TTC39B: variants seen among roughly 807,000 people sequenced by gnomAD.
The protein encoded by TTC39B is tetratricopeptide repeat domain 39B.
Under a neutral mutation model 96.6 loss-of-function variants are expected in TTC39B, and 92 were observed. The observed-to-expected ratio is 0.95, with a 90% confidence interval of 0.80 to 1.13. The LOEUF (loss-of-function observed/expected upper bound fraction) is 1.13. Among genes scored for constraint, TTC39B ranks in the 50% most tolerant of loss-of-function variants. The pLI, the probability that TTC39B is intolerant of heterozygous loss-of-function variation, is 0.00. For missense variants in TTC39B, 955 were observed against 809.3 expected, an observed-to-expected ratio of 1.18 and a Z score of -2.18; for synonymous variants, 367 against 299.4, an observed-to-expected ratio of 1.23 and a Z score of -2.33.
intron 2 of TTC39B, among the ~76,000 whole-genome samples, chr9:15,238,702 T>C (rs540076100): frequency 1.3e-5 from 2 of 152,234 alleles, no homozygotes; most frequent in Admixed American, 6.5e-5. Flanking sequence ...AATGACCATA[T>C]TGGCTGGGTG....
exon 20 of TTC39B, chr9:15,164,243 A>G (rs1315852710): frequency 6.6e-6 from 1 of 152,240 alleles, no homozygotes; most frequent in Non-Finnish European, 1.5e-5. Context: ...TGTAATGAGA[A>G]GAGAAAAAGA....
intron 2 of TTC39B, among the ~76,000 whole-genome samples, chr9:15,247,926 A>G (rs913548543): frequency 2.6e-5 from 4 of 152,168 alleles, no homozygotes; most frequent in African/African-American, 9.7e-5. Context: ...CAAGGAGCAC[A>G]GAGTTGCCAA....
intron 3 of TTC39B, among the ~76,000 whole-genome samples, chr9:15,218,430 A>C (rs1349815064): frequency 1.3e-5 from 2 of 151,950 alleles, no homozygotes; most frequent in African/African-American, 4.8e-5. Flanking sequence ...TGTTTTGTGA[A>C]CTTTCAAGCC....
chr9:15,211,346 C>T, exon 5 of TTC39B: 1 of 1,598,406 alleles, frequency 6.3e-7, no homozygotes, highest in East Asian at 2.3e-5. Context: ...GGACAGCCTG[C>T]AACACCACAA....
At chr9:15,273,471 TTCCTCCCTCCTCCTCC>T (rs1823428632) in intron 1 of TTC39B, among the ~76,000 whole-genome samples, 1 of 151,972 alleles carries the variant, frequency 6.6e-6, no homozygotes, top group African/African-American at 2.4e-5. Context: ...CTCCTCCACA[TTCCTCCCTCCTCCTCC>T]GCGTTCCTCC....
chr9:15,297,027 C>G (rs2131613323), intron 1 of TTC39B, among the ~76,000 whole-genome samples: 1 of 151,840 alleles, frequency 6.6e-6, no homozygotes, highest in South Asian at 2.1e-4. Flanking sequence ...AAAAGCCAAA[C>G]TCGGTAGCTA....
chr9:15,183,750 C>G (rs897491188), intron 16 of TTC39B, among the ~76,000 whole-genome samples: 3 of 152,214 alleles, frequency 2.0e-5, no homozygotes, highest in African/African-American at 7.2e-5. Flanking sequence ...ATTGGTTAAG[C>G]AACAGAAGGC....
chr9:15,239,823 G>C (rs72700645), intron 2 of TTC39B, among the ~76,000 whole-genome samples: 2 of 152,122 alleles, frequency 1.3e-5, no homozygotes, highest in Non-Finnish European at 1.5e-5. Flanking sequence ...CAATATTTGC[G>C]TGATGAGTAC....
exon 20 of TTC39B, chr9:15,166,277 G>T (rs1412357774): frequency 1.3e-5 from 2 of 152,190 alleles, no homozygotes; most frequent in Non-Finnish European, 2.9e-5. Context: ...TGAGCCAGCT[G>T]CTTTGATTTT....
At chr9:15,221,762 T>C (rs1820855553) in intron 3 of TTC39B, among the ~76,000 whole-genome samples, 1 of 152,206 alleles carries the variant, frequency 6.6e-6, no homozygotes, top group South Asian at 2.1e-4. Flanking sequence ...GCACTTAGTC[T>C]ACATAACCAA....
chr9:15,263,944 A>G (rs1461048552), intron 2 of TTC39B, among the ~76,000 whole-genome samples: 2 of 152,250 alleles, frequency 1.3e-5, no homozygotes, highest in African/African-American at 2.4e-5. Context: ...AGCAAGATAC[A>G]TTCTAAAATG....
chr9:15,198,350 G>A (rs1413727460), intron 8 of TTC39B, among the ~76,000 whole-genome samples: 6 of 151,606 alleles, frequency 4.0e-5, no homozygotes, highest in East Asian at 1.9e-4. Context: ...CTAGCTGCTC[G>A]GGAGGCTGAG....
At chr9:15,282,714 G>T (rs1003020522) in intron 1 of TTC39B, among the ~76,000 whole-genome samples, 1 of 152,056 alleles carries the variant, frequency 6.6e-6, no homozygotes, top group African/African-American at 2.4e-5. Flanking sequence ...CTCGGTAGTG[G>T]CTTCATACTC....
At chr9:15,174,041 T>C (rs1234207945) in intron 19 of TTC39B, among the ~76,000 whole-genome samples, 1 of 152,182 alleles carries the variant, frequency 6.6e-6, no homozygotes, top group Non-Finnish European at 1.5e-5. Context: ...ATCTCAAGAT[T>C]GGCTTTAATT....
chr9:15,299,319 C>T (rs886387943), intron 1 of TTC39B, among the ~76,000 whole-genome samples: 1 of 152,184 alleles, frequency 6.6e-6, no homozygotes, highest in Non-Finnish European at 1.5e-5. Context: ...GACACATCCA[C>T]AGATCACAAC....
chr9:15,190,807 C>G, intron 10 of TTC39B, 145 bp from the exon 11 acceptor site: 1 of 686,252 alleles, frequency 1.5e-6, no homozygotes, highest in South Asian at 1.9e-5. Flanking sequence ...TTTTAGTGTC[C>G]CTATCACCGC....
At chr9:15,223,230 G>A (rs1353006276) in intron 3 of TTC39B, among the ~76,000 whole-genome samples, 1 of 152,180 alleles carries the variant, frequency 6.6e-6, no homozygotes, top group Non-Finnish European at 1.5e-5. Context: ...TTTCAAGGTT[G>A]GAGGGAGAAT....
intron 2 of TTC39B, among the ~76,000 whole-genome samples, chr9:15,235,500 G>C (rs531704477): frequency 3.9e-5 from 6 of 152,178 alleles, no homozygotes; most frequent in African/African-American, 1.2e-4. Context: ...ACTTCACCAA[G>C]GCATATAGTC....
At chr9:15,298,227 C>T (rs1824451562) in intron 1 of TTC39B, among the ~76,000 whole-genome samples, 1 of 152,188 alleles carries the variant, frequency 6.6e-6, no homozygotes, top group African/African-American at 2.4e-5. Context: ...CATCCTCAGA[C>T]TGAGTTATAC....
Sources: allele counts gnomAD v4.1 joint callset (sites outside exome capture counted in the v4.1 genomes callset), GRCh38; gene constraint gnomAD v4.1.1; transcripts MANE v1.5; gene names NCBI Gene and HGNC (gene_info 2026-07-23, HGNC 2026-07-21).